MALRD1: variants seen among roughly 807,000 people sequenced by gnomAD.
MALRD1 encodes MAM and LDL-receptor class A domain-containing protein 1.
In MALRD1, 247 loss-of-function variants were observed where a neutral mutation model predicts 242.1. The ratio of observed to expected loss-of-function variants is 1.02; its 90% confidence interval spans 0.92 to 1.13. MALRD1 has a LOEUF of 1.13. MALRD1 is among the 50% of genes most tolerant of loss of function. MALRD1 has a pLI of 0.00. For synonymous variants in MALRD1, 995 were observed against 866.6 expected, an observed-to-expected ratio of 1.15 and a Z score of -2.60; for missense variants, 2,989 against 2,533.1, an observed-to-expected ratio of 1.18 and a Z score of -3.86.
intron 30 of MALRD1, chr10:19,493,373 A>T (rs1417328350): frequency 6.6e-6 from 1 of 152,128 alleles, no homozygotes; most frequent in Admixed American, 6.5e-5. Context: ...AACAATCAAC[A>T]CATCTTAAGA....
chr10:19,640,915 GA>G (rs201244900), intron 36 of MALRD1, among the ~76,000 whole-genome samples: 19 of 152,014 alleles, frequency 1.2e-4, no homozygotes, highest in African/African-American at 3.6e-4. Flanking sequence ...TTTTGTATAT[GA>G]AAAAAATAGT....
intron 13 of MALRD1, among the ~76,000 whole-genome samples, chr10:19,174,991 A>C (rs896344034): frequency 6.6e-6 from 1 of 152,136 alleles, no homozygotes; most frequent in African/African-American, 2.4e-5. Context: ...CTTTTAATTG[A>C]AACAAGGTTA....
intron 19 of MALRD1, among the ~76,000 whole-genome samples, chr10:19,258,694 A>T (rs1213499913): frequency 6.6e-6 from 1 of 152,066 alleles, no homozygotes. Context: ...TCAGCATCCT[A>T]ACAGGATCGA....
intron 38 of MALRD1, among the ~76,000 whole-genome samples, chr10:19,699,203 T>TATAATAATAATA (rs149007944): frequency 0.024 from 3,485 of 147,254 alleles, 148 homozygotes; most frequent in African/African-American, 0.084. Flanking sequence ...GAACTTAAAG[T>TATAATAATAATA]ATAATAATAA....
chr10:19,472,558 G>T (rs1165365035), intron 29 of MALRD1, among the ~76,000 whole-genome samples: 1 of 151,840 alleles, frequency 6.6e-6, no homozygotes, highest in Non-Finnish European at 1.5e-5. Context: ...GAGAGTTTTT[G>T]ATGACTGATT....
chr10:19,374,588 G>A (rs1356454474), intron 26 of MALRD1, among the ~76,000 whole-genome samples: 1 of 151,926 alleles, frequency 6.6e-6, no homozygotes, highest in African/African-American at 2.4e-5. Flanking sequence ...GTATAGTTTC[G>A]CCCATGTGCA....
intron 31 of MALRD1, among the ~76,000 whole-genome samples, chr10:19,503,602 A>G (rs997422096): frequency 1.3e-5 from 2 of 152,252 alleles, no homozygotes; most frequent in Non-Finnish European, 2.9e-5. Context: ...GGCATAAGGC[A>G]CAAAGCTGCT....
intron 11 of MALRD1, among the ~76,000 whole-genome samples, chr10:19,148,785 AAAAATATAT>A (rs1244732107): frequency 6.3e-5 from 5 of 79,970 alleles, no homozygotes; most frequent in Non-Finnish European, 1.2e-4. Flanking sequence ...AAAAAAAAAA[AAAAATATAT>A]ATATATATAT....
intron 26 of MALRD1, among the ~76,000 whole-genome samples, chr10:19,378,318 A>G (rs1234864461): frequency 6.6e-6 from 1 of 152,176 alleles, no homozygotes; most frequent in Non-Finnish European, 1.5e-5. Context: ...TAATGATGAA[A>G]TGAAATCCAT....
intron 18 of MALRD1, among the ~76,000 whole-genome samples, chr10:19,219,946 C>T (rs1024886368): frequency 1.3e-5 from 2 of 152,164 alleles, no homozygotes; most frequent in Admixed American, 6.5e-5. Flanking sequence ...TGTGTCAATA[C>T]AGACTACTGT....
intron 18 of MALRD1, among the ~76,000 whole-genome samples, chr10:19,238,451 TATATAA>T (rs1838542063): frequency 2.2e-5 from 1 of 46,436 alleles, no homozygotes; most frequent in Non-Finnish European, 3.3e-5. Flanking sequence ...ATATACATTA[TATATAA>T]TATATAATAT....
At chr10:19,576,716 T>C (rs1445663500) in intron 33 of MALRD1, among the ~76,000 whole-genome samples, 1 of 152,152 alleles carries the variant, frequency 6.6e-6, no homozygotes, top group Non-Finnish European at 1.5e-5. Context: ...GTCCTACCAC[T>C]TCTCTGGCTG....
At chr10:19,307,967 A>G (rs1164929615) in intron 21 of MALRD1, among the ~76,000 whole-genome samples, 1 of 151,560 alleles carries the variant, frequency 6.6e-6, no homozygotes, top group African/African-American at 2.4e-5. Context: ...GCATGAAATG[A>G]GAAATCACGT....
chr10:19,445,497 T>C (rs971073577), intron 28 of MALRD1, among the ~76,000 whole-genome samples: 2 of 152,234 alleles, frequency 1.3e-5, no homozygotes, highest in Non-Finnish European at 2.9e-5. Flanking sequence ...GGTTTTGGTG[T>C]GGATGTCCTT....
intron 18 of MALRD1, among the ~76,000 whole-genome samples, chr10:19,221,024 G>T (rs2131664349): frequency 6.6e-6 from 1 of 152,262 alleles, no homozygotes; most frequent in Admixed American, 6.5e-5. Context: ...AAATCTGAAA[G>T]AATTCCACTG....
intron 19 of MALRD1, among the ~76,000 whole-genome samples, chr10:19,273,995 T>G (rs896022974): frequency 2.0e-5 from 3 of 151,864 alleles, no homozygotes; most frequent in Non-Finnish European, 2.9e-5. Context: ...TATGAGACTA[T>G]AGAGAGATCA....
intron 21 of MALRD1, among the ~76,000 whole-genome samples, chr10:19,292,950 A>G (rs890920158): frequency 6.6e-6 from 1 of 151,294 alleles, no homozygotes; most frequent in Non-Finnish European, 1.5e-5. Flanking sequence ...AACTCTGTGT[A>G]TCCTTCTATA....
At chr10:19,163,340 T>C (rs1834524937) in intron 12 of MALRD1, among the ~76,000 whole-genome samples, 2 of 152,024 alleles carry the variant, frequency 1.3e-5, no homozygotes, top group East Asian at 3.9e-4. Flanking sequence ...AACAAGATCA[T>C]GTCTTTTGTG....
At chr10:19,331,632 C>A in intron 24 of MALRD1, 50 bp downstream of exon 24, 1 of 1,358,630 alleles carries the variant, frequency 7.4e-7, no homozygotes, top group Non-Finnish European at 1.0e-6. Flanking sequence ...CTCCCACAGC[C>A]TTACTCAATA....
Sources: allele counts gnomAD v4.1 joint callset (sites outside exome capture counted in the v4.1 genomes callset), GRCh38; gene constraint gnomAD v4.1.1; transcripts MANE v1.5; gene names NCBI Gene and HGNC (gene_info 2026-07-23, HGNC 2026-07-21).